The following DRG2 variants were observed in gnomAD, a reference collection of about 807,000 sequenced individuals.
DRG2 encodes the protein developmentally regulated GTP binding protein 2, also known as developmentally-regulated GTP-binding protein 2.
DRG2 carries 36 observed loss-of-function variants against 53.4 expected under a neutral mutation model. That is an observed-to-expected ratio of 0.67 (90% CI 0.52 to 0.89). The LOEUF (loss-of-function observed/expected upper bound fraction) is 0.89. Among genes scored for constraint, DRG2 ranks in the 40% least tolerant of loss-of-function variants. The pLI is 0.00. For synonymous variants in DRG2, 167 were observed against 192.1 expected (o/e 0.87, Z 1.08); for missense variants, 342 against 481.2 (o/e 0.71, Z 2.71).
rs964376001 is a variant in DRG2 at position 18,103,975 on chromosome 17, C to A, written c.895+86C>A. ...GCCGGTGTGTGGTGCCCAGAGACCC[C>A]AGCACCGGCTCTGGCCTGGCTTGTC... On this transcript the variant is annotated intron_variant, in intron 10 of 12. Transcript: ENST00000225729. This position sits in a 1 kb window ranked among gnomAD's most constrained non-coding sequence, Gnocchi z 4.4. 7.6e-7 allele frequency: 1 copy of A among 1,315,276 alleles called. No individual in the cohort carries two copies. Among genetic ancestry groups the A allele is most frequent in the Non-Finnish European group, 1.1e-6 (1 of 913,076 alleles). 81.5% of individuals were successfully genotyped at this position (1,315,276 alleles called of 1,614,324 possible). A position where few individuals can be genotyped will look rare whatever the true frequency, so the allele number is the denominator to read the frequency against.
At position 18,100,495 on chromosome 17, in the gene DRG2, G is replaced by A; in HGVS notation, c.540+60G>A. On this transcript the variant is annotated intron_variant, in intron 6 of 12. Transcript: ENST00000225729. The surrounding 1 kb of genome is among the most constrained non-coding windows in gnomAD (Gnocchi z 4.1). ...TGGCAGTTTTGAGACTGCATTGGCT[G>A]GCGGCTGAGGCTGTGGGACCATTGC... is the stretch of plus-strand genomic sequence containing the variant. 8.7e-6 allele frequency: 14 copies of A among 1,613,704 alleles called. No individual in the cohort carries two copies. Among genetic ancestry groups the A allele is most frequent in the Non-Finnish European group, 1.2e-5 (14 of 1,179,552 alleles).
chr17:18,096,277 A>C (rs987948390), intron 2 of DRG2: 7 of 152,112 alleles, frequency 4.6e-5, no homozygotes, highest in African/African-American at 1.2e-4. Context: ...GTCCAATTCC[A>C]TCGCCTCCTT....
chr17:18,101,103 C>T (rs1180489834), intron 7 of DRG2, among the ~76,000 whole-genome samples: 1 of 152,106 alleles, frequency 6.6e-6, no homozygotes, highest in East Asian at 1.9e-4. Context: ...CTGTGAGCCC[C>T]TCGTTGCCAG....
At chr17:18,091,227 C>G (rs2045328782) in intron 1 of DRG2, among the ~76,000 whole-genome samples, 1 of 152,172 alleles carries the variant, frequency 6.6e-6, no homozygotes, top group Non-Finnish European at 1.5e-5. Context: ...TGGGTGCTTA[C>G]TGTATGCTAA....
In DRG2 at chr17:18,107,245, G is replaced by T; in HGVS notation, c.*5G>T. 6.2e-7 allele frequency: 1 copy of T among 1,611,708 alleles called. No homozygotes were observed. ...ATCCAGATCGTGAAGAAGTAACGGCGCCTGCCGGGCCTCCCGCCCACCTGC... is the reference window on the plus strand; with the variant it reads ...ATCCAGATCGTGAAGAAGTAACGGCTCCTGCCGGGCCTCCCGCCCACCTGC... On this transcript the variant is annotated 3_prime_UTR_variant, in exon 13 of 13. Transcript: ENST00000225729.
rs779536440 is a variant in DRG2 at position 18,106,439 on chromosome 17, C to T, written c.961C>T (p.Arg321Cys). 2.4e-5 allele frequency: 38 copies of T among 1,613,910 alleles called. No individual in the cohort carries two copies. Among genetic ancestry groups the T allele is most frequent in the South Asian group, 8.8e-5 (8 of 91,088 alleles). ...KGASVEHVCH[R>C]IHRSLASQFK... is the part of the protein sequence containing the mutation. Reference sequence around the variant, plus strand: ...ACTCTCTCCTGTCCTCCAGTGCCACCGCATCCACCGGTCACTCGCCAGCCA... The same window carrying T: ...ACTCTCTCCTGTCCTCCAGTGCCACTGCATCCACCGGTCACTCGCCAGCCA... Residue 321 changes from arginine (R) to cysteine (C), a missense_variant, in exon 12 of 13, where the codon CGC (arginine) becomes TGC (cysteine). Transcript: ENST00000225729.
chr17:18,100,363 G>T lies in DRG2; in HGVS notation c.468G>T (p.Arg156Ser). The T allele has an allele frequency of 1.2e-6, 2 of 1,614,176 alleles. No homozygotes were observed. Among genetic ancestry groups the T allele is most frequent in the Non-Finnish European group, 1.7e-6 (2 of 1,180,036 alleles). Residue 156 changes from arginine (R) to serine (S), a missense_variant and splice_region_variant, in exon 6 of 13, where the codon AGG becomes AGT. Physicochemically the swap from Arg to Ser is moderately radical, Grantham distance 110. Coordinates refer to ENST00000225729, the MANE Select transcript of DRG2 (RefSeq NM_001388.5). This position sits in a 1 kb window ranked among gnomAD's most constrained non-coding sequence, Gnocchi z 4.1. ...GGGGCTTAAGGGGTACTCTTCCTAG[G>T]TCTCTGCTGGAGAAGGAGCTGGAGT... The part of the protein sequence containing the change: ...MLDATKGEVQ[R>S]SLLEKELESV...
rs574917112 is a variant in DRG2, at chr17:18,101,006, G to A, written c.631+347G>A. Among the ~76,000 whole-genome samples the A allele has an allele frequency of 3.3e-5, 5 of 152,276 alleles. No individual in the cohort carries two copies. The South Asian group carries it at 1.0e-3, about 32-fold the overall frequency. On this transcript the variant is annotated intron_variant, in intron 7 of 12. Coordinates refer to ENST00000225729, the MANE Select transcript of DRG2 (RefSeq NM_001388.5). ...TGGGTGGTGCCTCTAAAGTAGTGTC[G>A]GGGGCTGGTTGTGTTCTGGGGCCCT...
At chr17:18,094,827 AGCCAGGGGTGGTGGCG>A (rs1486730566) in intron 2 of DRG2, among the ~76,000 whole-genome samples, 1 of 151,608 alleles carries the variant, frequency 6.6e-6, no homozygotes, top group African/African-American at 2.4e-5. Flanking sequence ...ATACAAAATT[AGCCAGGGGTGGTGGCG>A]CATGCCTGTA....
rs775461331 is a variant in DRG2 at position 18,093,928 on chromosome 17, G to A, written c.180G>A (p.Ser60=). The change falls in exon 2 of 13, where the codon TCG becomes TCA. Residue 60 remains serine (S), a synonymous_variant. Transcript: ENST00000225729. ...SKGEGFDVMK[S]GDARVALIGF... The stretch of plus-strand genomic sequence containing the variant: ...GAGAGGGCTTTGATGTCATGAAGTC[G>A]GGTGATGCCCGTGTGGCGCTGATTG... 34 of 1,614,166 alleles carry A rather than the reference G, an allele frequency of 2.1e-5. No individual in the cohort carries two copies. Among genetic ancestry groups the A allele is most frequent in the Non-Finnish European group, 2.3e-5 (27 of 1,180,032 alleles).
At chr17:18,097,650 A>C (rs993359931) in intron 2 of DRG2, 1 of 152,354 alleles carries the variant, frequency 6.6e-6, no homozygotes, top group African/African-American at 2.4e-5. Flanking sequence ...AAGACCCTGA[A>C]CTGAGAGTAT....
chr17:18,096,119 C>G (rs908934619), intron 2 of DRG2: 1 of 152,194 alleles, frequency 6.6e-6, no homozygotes, highest in Non-Finnish European at 1.5e-5. Flanking sequence ...TTTATCACAT[C>G]GCATGAAGGC....
At chr17:18,091,134 C>T (rs529292312) in intron 1 of DRG2, among the ~76,000 whole-genome samples, 5 of 152,152 alleles carry the variant, frequency 3.3e-5, no homozygotes, top group Non-Finnish European at 7.3e-5. Flanking sequence ...TTTTCAGAGT[C>T]GAGAAGACAG....
In DRG2 at chr17:18,101,569, G is replaced by T; in HGVS notation, c.708G>T (p.Arg236=). Residue 236 remains arginine, a synonymous_variant, in exon 8 of 13, where the codon CGG becomes CGT. Transcript: ENST00000225729. The part of the protein sequence containing the change: ...DEFIDVIVGN[R]VYMPCLYVYN... ...TCATCGATGTGATCGTGGGCAACCG[G>T]GTGTACATGCCCTGCCTGTATGTAA... is the stretch of plus-strand genomic sequence containing the variant. 1 of 1,614,132 alleles carries T rather than the reference G, an allele frequency of 6.2e-7. No individual in the cohort carries two copies. The highest frequency in any genetic ancestry group is 8.5e-7 in the Non-Finnish European group (1 of 1,180,034).
intron 11 of DRG2, 169 bp from the exon 12 acceptor site, chr17:18,106,264 T>C: frequency 1.5e-6 from 1 of 651,326 alleles, no homozygotes; most frequent in Non-Finnish European, 2.8e-6. Context: ...TGGGTGGCTA[T>C]GTGCGAATTG....
chr17:18,090,392 ATATATATATATATATTTTTTTT>A (rs1323677567), intron 1 of DRG2, among the ~76,000 whole-genome samples: 222 of 11,710 alleles, frequency 0.019, 6 homozygotes, highest in African/African-American at 0.092. Context: ...ATATATATAT[ATATATATATATATATTTTTTTT>A]TTTTTTTTTT....
intron 7 of DRG2, 64 bp from the exon 8 acceptor site, chr17:18,101,429 G>A (rs1411006093): frequency 2.3e-5 from 35 of 1,516,422 alleles, no homozygotes; most frequent in Non-Finnish European, 2.7e-5. Flanking sequence ...GCTTTTTGGG[G>A]CCCTCCGCTG....
Position 18,100,499 on chromosome 17 carries a change from G to A in DRG2, c.540+64G>A. 1.9e-6 allele frequency: 3 copies of A among 1,613,604 alleles called. No individual in the cohort carries two copies. Among genetic ancestry groups the A allele is most frequent in the South Asian group, 2.2e-5 (2 of 91,078 alleles). ...AGTTTTGAGACTGCATTGGCTGGCGGCTGAGGCTGTGGGACCATTGCTGTG... is the reference window on the plus strand; with the variant it reads ...AGTTTTGAGACTGCATTGGCTGGCGACTGAGGCTGTGGGACCATTGCTGTG... On this transcript the variant is annotated intron_variant, in intron 6 of 12. Transcript: ENST00000225729. The surrounding 1 kb of genome is among the most constrained non-coding windows in gnomAD (Gnocchi z 4.1).
intron 11 of DRG2, among the ~76,000 whole-genome samples, 188 bp downstream of exon 11, chr17:18,104,869 G>T (rs2045600493): frequency 6.6e-6 from 1 of 152,204 alleles, no homozygotes. Context: ...ATGTGCCGAG[G>T]CTCTGACCTC....
Sources: gnomAD v4.1 joint callset for allele counts (sites outside exome capture counted in the v4.1 genomes callset) on GRCh38, gnomAD v4.1.1 for gene constraint, Gnocchi (gnomAD v3.1) non-coding constraint, MANE v1.5 for transcripts, NCBI Gene and HGNC (gene_info 2026-07-23, HGNC 2026-07-21) for gene names.